GDAP2: variants seen among roughly 807,000 people sequenced by gnomAD.
GDAP2 encodes the protein ganglioside induced differentiation associated protein 2.
In GDAP2, 51 loss-of-function variants were observed where a neutral mutation model predicts 67.0. That is an observed-to-expected ratio of 0.76 (90% confidence interval 0.61 to 0.96). The LOEUF (loss-of-function observed/expected upper bound fraction) is 0.96, where lower values mean the gene tolerates loss of function less well. GDAP2 is among the 40% of genes least tolerant of loss of function. The pLI is 0.00. For synonymous variants in GDAP2, 203 were observed against 207.3 expected, an observed-to-expected ratio of 0.98 and a Z score of 0.18; for missense variants, 547 against 588.3, an observed-to-expected ratio of 0.93 and a Z score of 0.73.
intron 10 of GDAP2, among the ~76,000 whole-genome samples, 192 bp downstream of exon 10, chr1:117,886,385 C>A (rs1429988783): frequency 6.6e-6 from 1 of 152,018 alleles, no homozygotes; most frequent in Non-Finnish European, 1.5e-5. Flanking sequence ...TTTTTTATTT[C>A]TTGGACAGAG....
At chr1:117,890,910 C>A (rs917462660) in intron 8 of GDAP2, among the ~76,000 whole-genome samples, 1 of 151,628 alleles carries the variant, frequency 6.6e-6, no homozygotes, top group Admixed American at 6.6e-5. Flanking sequence ...GTTGAGCATC[C>A]CAAATCCAAA....
At chr1:117,872,495 G>C (rs1360891548) in intron 13 of GDAP2, among the ~76,000 whole-genome samples, 1 of 152,154 alleles carries the variant, frequency 6.6e-6, no homozygotes, top group Non-Finnish European at 1.5e-5. Context: ...ATATGCCATG[G>C]AATACTATGT....
In GDAP2 at chr1:117,870,344, C is replaced by T. The variant is rs1047065804; in HGVS notation, c.*225G>A. 3 of 516,198 alleles carry T rather than the reference C, an allele frequency of 5.8e-6. No individual in the cohort carries two copies. In the African/African-American group the frequency reaches 5.9e-5, roughly 10 times the overall value. 32.0% of individuals were successfully genotyped at this position (516,198 alleles called of 1,614,324 possible). A position where few individuals can be genotyped will look rare whatever the true frequency, so the allele number is the denominator to read the frequency against. On this transcript the variant is annotated 3_prime_UTR_variant, in exon 14 of 14. Transcript: ENST00000369443. ...TTAACAATCTAAAAATGAACATTTC[C>T]ATTTCATATAAATATACAAATTTAA...
chr1:117,896,736 T>C (rs1319158922), intron 8 of GDAP2, 97 bp downstream of exon 8: 1 of 672,894 alleles, frequency 1.5e-6, no homozygotes, highest in African/African-American at 1.8e-5. Context: ...TAAATTGGAA[T>C]GCATTATATA....
In GDAP2 at chr1:117,880,538, A is replaced by T. The variant is rs1207744382; in HGVS notation, c.1302+1285T>A. Among the ~76,000 whole-genome samples the T allele has an allele frequency of 2.0e-5, 3 of 152,188 alleles. No homozygotes were observed. The East Asian group carries it at 5.8e-4, about 29-fold the overall frequency. ...TTTTGGTCGTAAAGTGGAGGAGAGA[A>T]AAATAGATCTTAGCATTTTTAAAAG... On this transcript the variant is annotated intron_variant, in intron 12 of 13. Transcript: ENST00000369443.
At position 117,868,746 on chromosome 1, in the gene GDAP2, T is replaced by TG. The variant is rs1553193534; in HGVS notation, c.*1822_*1823insC. 1 of 150,636 alleles carries TG rather than the reference T, an allele frequency of 6.6e-6. No homozygotes were observed. The highest frequency in any genetic ancestry group is 1.5e-5 in the Non-Finnish European group (1 of 67,634). The allele number at this position is 150,636 out of a possible 1,614,324, so 9.3% of individuals were successfully genotyped here. A position where few individuals can be genotyped will look rare whatever the true frequency, so the allele number is the denominator to read the frequency against. On this transcript the variant is annotated 3_prime_UTR_variant, in exon 14 of 14. Coordinates refer to ENST00000369443, the MANE Select transcript of GDAP2 (RefSeq NM_017686.4). ...TTTTAAGGTACAGTGCCCAAGGGGTTAAAAAAAAAGTACTGTTTGAGAGAA... is the reference window on the plus strand; with the variant it reads ...TTTTAAGGTACAGTGCCCAAGGGGTTGAAAAAAAAAGTACTGTTTGAGAGAA...
chr1:117,887,886 T>C (rs941706223), intron 8 of GDAP2, 112 bp from the exon 9 acceptor site: 13 of 636,994 alleles, frequency 2.0e-5, no homozygotes, highest in Non-Finnish European at 3.1e-5. Context: ...AGTATATATT[T>C]CATTATAATA....
intron 8 of GDAP2, among the ~76,000 whole-genome samples, chr1:117,892,460 T>C (rs1464569712): frequency 6.6e-6 from 1 of 152,096 alleles, no homozygotes; most frequent in Non-Finnish European, 1.5e-5. Flanking sequence ...AAAAGGAAAA[T>C]ATGAACTCAA....
intron 6 of GDAP2, among the ~76,000 whole-genome samples, chr1:117,905,284 T>C (rs1042939133): frequency 6.6e-6 from 1 of 152,220 alleles, no homozygotes; most frequent in East Asian, 1.9e-4. Flanking sequence ...TTTTACAGGA[T>C]GTGACACAAG....
At chr1:117,893,681 C>T (rs532657631) in intron 8 of GDAP2, among the ~76,000 whole-genome samples, 14 of 152,248 alleles carry the variant, frequency 9.2e-5, no homozygotes, top group African/African-American at 1.2e-4. Context: ...ATCTCAAATA[C>T]GGCTGAGCAT....
intron 5 of GDAP2, among the ~76,000 whole-genome samples, chr1:117,910,118 C>G (rs1262556565): frequency 1.3e-5 from 2 of 151,982 alleles, no homozygotes; most frequent in South Asian, 4.1e-4. Flanking sequence ...ACATAGTAGT[C>G]TTCCACTGAA....
intron 4 of GDAP2, 24 bp from the exon 5 acceptor site, chr1:117,912,106 A>C (rs759537415): frequency 7.3e-7 from 1 of 1,378,502 alleles, no homozygotes; most frequent in African/African-American, 1.4e-5. Flanking sequence ...AAAACACAAA[A>C]ATTGCACTAG....
chr1:117,897,131 AT>A, intron 7 of GDAP2, 142 bp from the exon 8 acceptor site: 1 of 545,544 alleles, frequency 1.8e-6, no homozygotes, highest in South Asian at 3.0e-5. Context: ...CTGTAATCAG[AT>A]TTAGGCATTT....
intron 8 of GDAP2, among the ~76,000 whole-genome samples, chr1:117,896,343 G>A (rs1649263947): frequency 6.6e-6 from 1 of 152,168 alleles, no homozygotes; most frequent in African/African-American, 2.4e-5. Flanking sequence ...TTTTTAAAAG[G>A]ATTCCTTCAA....
intron 13 of GDAP2, among the ~76,000 whole-genome samples, chr1:117,872,809 C>T (rs1441930041): frequency 6.6e-6 from 1 of 152,124 alleles, no homozygotes; most frequent in Non-Finnish European, 1.5e-5. Context: ...AACAAACCTG[C>T]ACATCCTACA....
chr1:117,889,486 C>G (rs1007481512), intron 8 of GDAP2, among the ~76,000 whole-genome samples: 6 of 152,072 alleles, frequency 3.9e-5, no homozygotes, highest in Non-Finnish European at 8.8e-5. Flanking sequence ...CCAATACCAC[C>G]AGCATTTGAT....
At position 117,869,882 on chromosome 1, in the gene GDAP2, G is replaced by GATAAA. The variant is rs1381488507; in HGVS notation, c.*686_*687insTTTAT. ...CCATGATTATAGGAAAAAGGCTGAA[G>GATAAA]ATACAGTCTTCTTGTTTCACCCCAC... On this transcript the variant is annotated 3_prime_UTR_variant, in exon 14 of 14. Transcript: ENST00000369443. The GATAAA allele has an allele frequency of 7.2e-5, 11 of 152,222 alleles. No individual in the cohort carries two copies. The allele number at this position is 152,222 out of a possible 1,614,324, so 9.4% of individuals were successfully genotyped here.
At chr1:117,926,048 T>G (rs1327278046) in intron 1 of GDAP2, among the ~76,000 whole-genome samples, 1 of 152,226 alleles carries the variant, frequency 6.6e-6, no homozygotes, top group Non-Finnish European at 1.5e-5. Flanking sequence ...CCTCCTGTTC[T>G]CAAAAAGGTT....
intron 8 of GDAP2, among the ~76,000 whole-genome samples, chr1:117,891,471 A>G (rs1010920927): frequency 1.3e-5 from 2 of 152,064 alleles, no homozygotes; most frequent in African/African-American, 4.8e-5. Flanking sequence ...TGCCAGTTGG[A>G]TAGGTTAGAA....
Sources: gnomAD v4.1 joint callset for allele counts (sites outside exome capture counted in the v4.1 genomes callset) on GRCh38, gnomAD v4.1.1 for gene constraint, MANE v1.5 for transcripts, NCBI Gene and HGNC (gene_info 2026-07-23, HGNC 2026-07-21) for gene names.